Variants in HS6ST3 observed in about 807,000 individuals in gnomAD.
HS6ST3 encodes the protein heparan sulfate 6-O-sulfotransferase 3.
Under a neutral mutation model 36.7 loss-of-function variants are expected in HS6ST3, and 12 were observed. The observed-to-expected ratio is 0.33, with a 90% CI of 0.21 to 0.53. The LOEUF is 0.53. Ranked by LOEUF, HS6ST3 falls within the 20% of genes least tolerant of loss-of-function variation. The pLI, the probability that HS6ST3 is intolerant of heterozygous loss-of-function variation, is 0.95. For missense variants in HS6ST3, 584 were observed against 640.9 expected, an observed-to-expected ratio of 0.91 and a Z score of 0.96; for synonymous variants, 240 against 257.5, an observed-to-expected ratio of 0.93 and a Z score of 0.65.
chr13:96,444,336 G>T (rs2055688093), intron 1 of HS6ST3, among the ~76,000 whole-genome samples: 1 of 152,174 alleles, frequency 6.6e-6, no homozygotes, highest in African/African-American at 2.4e-5. Context: ...ATTTCACATG[G>T]CATGTAGGTT....
At chr13:96,306,434 C>T (rs1426194487) in intron 1 of HS6ST3, among the ~76,000 whole-genome samples, 2 of 152,156 alleles carry the variant, frequency 1.3e-5, no homozygotes, top group Non-Finnish European at 2.9e-5. Context: ...TGGTCTCTAA[C>T]TCCTGTCGTC....
intron 1 of HS6ST3, among the ~76,000 whole-genome samples, chr13:96,444,887 GT>G (rs2055690774): frequency 6.6e-6 from 1 of 152,030 alleles, no homozygotes; most frequent in Non-Finnish European, 1.5e-5. Flanking sequence ...ACAGCTTTCT[GT>G]TTTTTCACTT....
chr13:96,786,311 C>T (rs960493811), intron 1 of HS6ST3, among the ~76,000 whole-genome samples: 10 of 127,708 alleles, frequency 7.8e-5, no homozygotes, highest in African/African-American at 3.7e-4. Flanking sequence ...TGTTCATCTC[C>T]CTGTTCAGTT....
intron 1 of HS6ST3, among the ~76,000 whole-genome samples, chr13:96,693,375 G>T (rs2138446772): frequency 6.6e-6 from 1 of 152,180 alleles, no homozygotes; most frequent in African/African-American, 2.4e-5. Context: ...CGCAACCTTG[G>T]CTCACTGCAA....
intron 1 of HS6ST3, among the ~76,000 whole-genome samples, chr13:96,218,563 G>A (rs2054438965): frequency 6.6e-6 from 1 of 152,172 alleles, no homozygotes; most frequent in African/African-American, 2.4e-5. Context: ...CAGCCACGTG[G>A]GGAGAAGACA....
intron 1 of HS6ST3, among the ~76,000 whole-genome samples, chr13:96,179,918 C>T (rs547886889): frequency 6.6e-6 from 1 of 152,276 alleles, no homozygotes; most frequent in South Asian, 2.1e-4. Context: ...CAACCTCTGC[C>T]TCCCAGGTTC....
chr13:96,296,985 C>G (rs143736244), intron 1 of HS6ST3, among the ~76,000 whole-genome samples: 1 of 152,028 alleles, frequency 6.6e-6, no homozygotes, highest in African/African-American at 2.4e-5. Flanking sequence ...CAATACTGCT[C>G]CTAACTTTAT....
intron 1 of HS6ST3, among the ~76,000 whole-genome samples, chr13:96,322,837 G>T (rs148026411): frequency 1.3e-5 from 2 of 152,130 alleles, no homozygotes; most frequent in Admixed American, 1.3e-4. Flanking sequence ...AGCTAAATCC[G>T]ATGGTCAGTG....
chr13:96,404,165 A>G (rs1459230217), intron 1 of HS6ST3, among the ~76,000 whole-genome samples: 8 of 152,306 alleles, frequency 5.3e-5, no homozygotes, highest in South Asian at 2.1e-4. Context: ...TCCAAATCCC[A>G]TGTAGAAGAC....
At chr13:96,232,619 A>C (rs1413230178) in intron 1 of HS6ST3, among the ~76,000 whole-genome samples, 1 of 152,106 alleles carries the variant, frequency 6.6e-6, no homozygotes, top group Non-Finnish European at 1.5e-5. Context: ...TCAGGGGGAC[A>C]GTGGTAATGA....
chr13:96,259,219 G>T (rs1354842658), intron 1 of HS6ST3, among the ~76,000 whole-genome samples: 1 of 152,128 alleles, frequency 6.6e-6, no homozygotes, highest in Non-Finnish European at 1.5e-5. Context: ...CAGGCTGGAG[G>T]ACCCGGGGTG....
In HS6ST3 at chr13:96,142,406, C is replaced by T. The variant is rs117654568; in HGVS notation, c.707+50837C>T. 4.8e-3 allele frequency among the ~76,000 whole-genome samples: 727 copies of T among 152,226 alleles called. 10 individuals carry two copies. Among genetic ancestry groups the T allele is most frequent in the Non-Finnish European group, 7.7e-3 (521 of 67,998 alleles). Reference sequence around the variant, plus strand: ...TCCCAAAGAACTAACAATTAATTATCTTGCATCCAAGATCCAATATTAGTG... The same window carrying T: ...TCCCAAAGAACTAACAATTAATTATTTTGCATCCAAGATCCAATATTAGTG... On this transcript the variant is annotated intron_variant, in intron 1 of 1. Transcript: ENST00000376705.
chr13:96,214,630 G>A (rs1286601947), intron 1 of HS6ST3, among the ~76,000 whole-genome samples: 1 of 152,070 alleles, frequency 6.6e-6, no homozygotes, highest in Non-Finnish European at 1.5e-5. Context: ...TATGGGATGT[G>A]CCTTACTGAG....
chr13:96,348,872 A>G (rs1389712328), intron 1 of HS6ST3, among the ~76,000 whole-genome samples: 1 of 152,142 alleles, frequency 6.6e-6, no homozygotes, highest in Admixed American at 6.5e-5. Flanking sequence ...ATAACTAACC[A>G]TGTCCTTAGT....
intron 1 of HS6ST3, among the ~76,000 whole-genome samples, chr13:96,728,362 T>C (rs35978505): frequency 0.032 from 4,838 of 152,294 alleles, 102 homozygotes; most frequent in Middle Eastern, 0.061. Flanking sequence ...TCAGGTCTTA[T>C]AGATTAGGGC....
intron 1 of HS6ST3, among the ~76,000 whole-genome samples, chr13:96,548,350 G>A (rs2056205353): frequency 6.6e-6 from 1 of 152,110 alleles, no homozygotes; most frequent in Non-Finnish European, 1.5e-5. Context: ...CAATCCCACA[G>A]CACCAATTTC....
chr13:96,292,151 G>C (rs2054832914), intron 1 of HS6ST3, among the ~76,000 whole-genome samples: 1 of 152,012 alleles, frequency 6.6e-6, no homozygotes, highest in African/African-American at 2.4e-5. Flanking sequence ...CTATGTGAGT[G>C]AATTTAGGAT....
chr13:96,260,722 C>A (rs990313697), intron 1 of HS6ST3, among the ~76,000 whole-genome samples: 2 of 151,850 alleles, frequency 1.3e-5, no homozygotes, highest in Non-Finnish European at 2.9e-5. Flanking sequence ...TAACAGTAAC[C>A]TCGGCCTCCC....
chr13:96,486,870 C>A (rs939604816), intron 1 of HS6ST3, among the ~76,000 whole-genome samples: 1 of 152,004 alleles, frequency 6.6e-6, no homozygotes, highest in Non-Finnish European at 1.5e-5. Flanking sequence ...AGATGACTAG[C>A]GTTATTCCGT....
Sources: gnomAD v4.1 joint callset for allele counts (sites outside exome capture counted in the v4.1 genomes callset) on GRCh38, gnomAD v4.1.1 for gene constraint, MANE v1.5 for transcripts, NCBI Gene and HGNC (gene_info 2026-07-23, HGNC 2026-07-21) for gene names.